Variants in ARFGAP1 observed in about 807,000 individuals in gnomAD.
ARFGAP1 encodes the protein ADP-ribosylation factor GTPase-activating protein 1.
A neutral mutation model predicts 54.0 loss-of-function variants in ARFGAP1; 26 were observed. The ratio of observed to expected loss-of-function variants is 0.48; its 90% CI spans 0.35 to 0.67. ARFGAP1 has a LOEUF of 0.67. ARFGAP1 is among the 30% of genes least tolerant of loss of function. The probability of loss-of-function intolerance (pLI) is 0.00; values close to 1 mark genes in which losing one functional copy is unlikely to be tolerated. For missense variants in ARFGAP1, 525 were observed against 535.8 expected (o/e 0.98, Z 0.20); for synonymous variants, 248 against 211.9 (o/e 1.17, Z -1.48).
At chr20:63,281,123 C>T (rs1241663893) in intron 7 of ARFGAP1, among the ~76,000 whole-genome samples, 168 bp from the exon 8 acceptor site, 1 of 152,172 alleles carries the variant, frequency 6.6e-6, no homozygotes, top group African/African-American at 2.4e-5. Flanking sequence ...GCCCTGGGTC[C>T]AGTTGCACTC....
intron 12 of ARFGAP1, 40 bp downstream of exon 12, chr20:63,286,482 C>T (rs768116051): frequency 3.8e-6 from 6 of 1,583,758 alleles, no homozygotes; most frequent in Middle Eastern, 1.7e-4. Flanking sequence ...TCCCACTCCC[C>T]TGCCTTGGCC....
chr20:63,284,461 C>A, intron 9 of ARFGAP1: 3 of 1,099,586 alleles, frequency 2.7e-6, no homozygotes, highest in Non-Finnish European at 3.3e-6. Context: ...GTGCCCTCTT[C>A]CCTCCAGGGG....
chr20:63,278,212 T>C lies in ARFGAP1; in HGVS notation c.530+9T>C, dbSNP rs779088837. Reference sequence around the variant, plus strand: ...CTCGGCTCCTATCAAGGGTAAGGACTTGAGAGCTGGGGACGCCTGGCGTGG... The same window carrying C: ...CTCGGCTCCTATCAAGGGTAAGGACCTGAGAGCTGGGGACGCCTGGCGTGG... On this transcript the variant is annotated intron_variant, in intron 6 of 12. Coordinates refer to ENST00000370283, the MANE Select transcript of ARFGAP1 (RefSeq NM_018209.4). 2.3e-5 allele frequency: 37 copies of C among 1,612,448 alleles called. No individual in the cohort carries two copies. The highest frequency in any genetic ancestry group is 3.3e-4 in the Middle Eastern group (2 of 6,084).
intron 7 of ARFGAP1, 152 bp from the exon 8 acceptor site, chr20:63,281,139 G>A: frequency 5.4e-6 from 4 of 737,744 alleles, no homozygotes; most frequent in Non-Finnish European, 8.7e-6. Context: ...CACTCCTCCA[G>A]CAGCCTGGAG....
Position 63,281,266 on chromosome 20 carries a change from G to A in ARFGAP1, c.628-25G>A, listed in dbSNP as rs767552979. On this transcript the variant is annotated intron_variant, in intron 7 of 12. Transcript: ENST00000370283. ...GGTTCCTGGGTCCCAGTCCTGATGTGGCTGCTCTTTGTCGCCTCCCTCAGG... is the reference window on the plus strand; with the variant it reads ...GGTTCCTGGGTCCCAGTCCTGATGTAGCTGCTCTTTGTCGCCTCCCTCAGG... 11 of 1,587,484 alleles carry A rather than the reference G, an allele frequency of 6.9e-6. No homozygotes were observed. In the African/African-American group the frequency reaches 1.3e-4, roughly 19 times the overall value.
At chr20:63,282,106 G>A (rs1447164886) in intron 8 of ARFGAP1, among the ~76,000 whole-genome samples, 2 of 151,770 alleles carry the variant, frequency 1.3e-5, no homozygotes, top group African/African-American at 2.4e-5. Flanking sequence ...CCGTCACAGC[G>A]CGCACCTGTC....
chr20:63,286,652 C>T (rs1421547958), intron 12 of ARFGAP1, among the ~76,000 whole-genome samples: 2 of 151,702 alleles, frequency 1.3e-5, no homozygotes, highest in African/African-American at 4.8e-5. Flanking sequence ...GGAGGGGGCA[C>T]TGTGGAGGCT....
Position 63,282,826 on chromosome 20 carries a change from A to T in ARFGAP1, c.692A>T (p.Lys231Met). 6.2e-7 allele frequency: 1 copy of T among 1,614,096 alleles called. No homozygotes were observed. The highest frequency in any genetic ancestry group is 8.5e-7 in the Non-Finnish European group (1 of 1,180,008). The change falls in exon 9 of 13, where the codon AAG (lysine) becomes ATG (methionine). Residue 231 changes from lysine to methionine, a missense_variant. By Grantham distance (95) the Lys-to-Met change is moderately conservative. Around this residue, in one of 3 missense-constraint regions of ARFGAP1, gnomAD observed 466 missense variants for 453.6 expected, o/e 1.03. Coordinates refer to ENST00000370283, the MANE Select transcript of ARFGAP1 (RefSeq NM_018209.4). ...FASAAKEGAT[K>M]FGSQASQKAS... ...CTTTGTTTTTCATTTTAGGCTACAA[A>T]GTTTGGATCCCAAGCGAGTCAGAAG...
At position 63,284,356 on chromosome 20, in the gene ARFGAP1, T is replaced by C; in HGVS notation, c.718-510T>C. On this transcript the variant is annotated intron_variant, in intron 9 of 12. Coordinates refer to ENST00000370283, the MANE Select transcript of ARFGAP1 (RefSeq NM_018209.4). ...GGGGAAGAGGAGGCCTCACACCACA[T>C]CCCCAGGTGGCCGTGTGGCCTCGAC... 5.7e-6 allele frequency: 6 copies of C among 1,059,116 alleles called. No homozygotes were observed. The South Asian group carries it at 1.0e-4, about 18-fold the overall frequency. The allele number at this position is 1,059,116 out of a possible 1,614,324, so 65.6% of individuals were successfully genotyped here. A position where few individuals can be genotyped will look rare whatever the true frequency, so the allele number is the denominator to read the frequency against.
chr20:63,279,199 CTTTT>C (rs758984547), intron 7 of ARFGAP1: 116 of 557,292 alleles, frequency 2.1e-4, no homozygotes, highest in Middle Eastern at 9.3e-4. Flanking sequence ...CAATCACTTC[CTTTT>C]TTTTTTTTTT....
rs767803977 is a variant in ARFGAP1 at position 63,285,647 on chromosome 20, C to G, written c.775-7C>G. The G allele has an allele frequency of 6.2e-7, 1 of 1,613,198 alleles. No homozygotes were observed. The highest frequency in any genetic ancestry group is 8.5e-7 in the Non-Finnish European group (1 of 1,179,682). ...CCCCATTAATGCCGCTGTCTTCATC[C>G]GTGCAGGTGAAGGAGGGAAAGATTT... On this transcript the variant is annotated splice_region_variant and splice_polypyrimidine_tract_variant and intron_variant, in intron 10 of 12. Transcript: ENST00000370283.
intron 7 of ARFGAP1, 139 bp from the exon 8 acceptor site, chr20:63,281,152 G>A: frequency 1.2e-6 from 1 of 818,714 alleles, no homozygotes; most frequent in Admixed American, 2.6e-5. Flanking sequence ...GCCTGGAGAA[G>A]CAGGCGCGGT....
intron 9 of ARFGAP1, chr20:63,283,345 G>C: frequency 5.0e-6 from 1 of 201,108 alleles, no homozygotes; most frequent in Admixed American, 5.5e-5. Flanking sequence ...GTGGGTAGGG[G>C]CCCCGCGGTT....
chr20:63,281,162 T>G (rs1601350196), intron 7 of ARFGAP1, 129 bp from the exon 8 acceptor site: 1 of 924,888 alleles, frequency 1.1e-6, no homozygotes, highest in Non-Finnish European at 1.6e-6. Flanking sequence ...GCAGGCGCGG[T>G]GGGGTCAGGA....
At chr20:63,280,505 T>A (rs2067351800) in intron 7 of ARFGAP1, among the ~76,000 whole-genome samples, 1 of 152,230 alleles carries the variant, frequency 6.6e-6, no homozygotes, top group Non-Finnish European at 1.5e-5. Flanking sequence ...CAAAGTCTGT[T>A]AACTGGAAAT....
rs115459090 is a variant in ARFGAP1 at position 63,287,276 on chromosome 20, A to G, written c.912-288A>G. On this transcript the variant is annotated intron_variant, in intron 12 of 12. Transcript: ENST00000370283. ...CTGCCCCTCCCCACTTGACTAAACC[A>G]CTGTTTTATTGCAGCAGTTTGGAGC... 2.5e-3 allele frequency among the ~76,000 whole-genome samples: 384 copies of G among 152,316 alleles called. 1 individual carries two copies. Among genetic ancestry groups the G allele is most frequent in the African/African-American group, 8.6e-3 (356 of 41,566 alleles).
rs768160188 is a variant in ARFGAP1, at chr20:63,276,463, G to A, written c.171-17G>A. ...GTCCCCGGTGCTGGTTGATCTGCTC[G>A]ATCCTCTGCTTTCCAGCTTTGTGCG... On this transcript the variant is annotated splice_polypyrimidine_tract_variant and intron_variant, in intron 3 of 12. Coordinates refer to ENST00000370283, the MANE Select transcript of ARFGAP1 (RefSeq NM_018209.4). This position sits in a 1 kb window ranked among gnomAD's most constrained non-coding sequence, Gnocchi z 5.2. 1.6e-5 allele frequency: 25 copies of A among 1,603,166 alleles called. No individual in the cohort carries two copies. In the African/African-American group the frequency reaches 2.5e-4, roughly 16 times the overall value.
Position 63,288,316 on chromosome 20 carries a change from C to G in ARFGAP1, c.*443C>G. 2 of 464,920 alleles carry G rather than the reference C, an allele frequency of 4.3e-6. No individual in the cohort carries two copies. Among genetic ancestry groups the G allele is most frequent in the South Asian group, 3.1e-5 (2 of 64,640 alleles). The allele number at this position is 464,920 out of a possible 1,614,324, so 28.8% of individuals were successfully genotyped here. On this transcript the variant is annotated 3_prime_UTR_variant, in exon 13 of 13. Coordinates refer to ENST00000370283, the MANE Select transcript of ARFGAP1 (RefSeq NM_018209.4). The stretch of plus-strand genomic sequence containing the variant: ...AACTTTGGTTTTGCTCTAGTTCTTT[C>G]TTTTTGAAGAGAGTGACTGGAGTGG...
At chr20:63,281,219 T>C in intron 7 of ARFGAP1, 72 bp from the exon 8 acceptor site, 1 of 1,463,766 alleles carries the variant, frequency 6.8e-7, no homozygotes, top group Non-Finnish European at 9.3e-7. Context: ...TCTTCCTTGC[T>C]GAGATACTCT....
Sources: allele counts gnomAD v4.1 joint callset (sites outside exome capture counted in the v4.1 genomes callset), GRCh38; gene constraint gnomAD v4.1.1; regional missense constraint gnomAD v4.1.1; non-coding constraint Gnocchi (gnomAD v3.1); transcripts MANE v1.5; gene names NCBI Gene and HGNC (gene_info 2026-07-23, HGNC 2026-07-21).